The following TMEM230 variants were observed in gnomAD, a reference collection of about 807,000 sequenced individuals.
TMEM230 encodes the protein transmembrane protein 230, also known as UPF0414 transmembrane protein C20orf30.
A neutral mutation model predicts 15.8 loss-of-function variants in TMEM230; 10 were observed. That is an observed-to-expected ratio of 0.63 (90% CI 0.39 to 1.07). The LOEUF is 1.07. Ranked by LOEUF, TMEM230 falls within the 50% of genes least tolerant of loss-of-function variation. The pLI is 0.01. For synonymous variants in TMEM230, 67 were observed against 76.9 expected (o/e 0.87, Z 0.68); for missense variants, 165 against 193.3 (o/e 0.85, Z 0.87).
intron 3 of TMEM230, among the ~76,000 whole-genome samples, chr20:5,087,585 T>C (rs952943494): frequency 2.0e-5 from 3 of 148,318 alleles, no homozygotes; most frequent in Admixed American, 1.3e-4. Flanking sequence ...TCCTCTCCCC[T>C]GGCCTGGGTA....
chr20:5,067,504 T>C (rs2326585), downstream of TMEM230: 96,968 of 143,208 alleles, frequency 0.68, 33,308 homozygotes, highest in East Asian at 0.85. Flanking sequence ...AGTGCAATGG[T>C]GCCATCTTGG....
intron 3 of TMEM230, among the ~76,000 whole-genome samples, chr20:5,090,061 CTG>C (rs2089464332): frequency 1.3e-5 from 2 of 151,832 alleles, no homozygotes; most frequent in Admixed American, 6.6e-5. Context: ...AAGAAAAAAA[CTG>C]AGGAAATCTT....
At chr20:5,090,414 G>GC (rs1437257075) in intron 3 of TMEM230, among the ~76,000 whole-genome samples, 2 of 152,146 alleles carry the variant, frequency 1.3e-5, no homozygotes, top group Admixed American at 6.6e-5. Context: ...CAGAAGTCAC[G>GC]CAGGAAGCCA....
Position 5,103,640 on chromosome 20 carries a change from A to C in TMEM230, c.411+2548T>G, listed in dbSNP as rs375901953. Reference sequence around the variant, plus strand: ...AGTGAGATTCTGTCTCAAAAAAAAAAAAACAAACAAAAAAACCAAAAAACA... The same window carrying C: ...AGTGAGATTCTGTCTCAAAAAAAAACAAACAAACAAAAAAACCAAAAAACA... On this transcript the variant is annotated intron_variant, in intron 4 of 4. Coordinates refer to ENST00000342308, the MANE Select transcript of TMEM230 (RefSeq NM_001009923.2). Among the ~76,000 whole-genome samples the C allele has an allele frequency of 4.9e-3, 750 of 152,086 alleles. 7 individuals carry two copies. Among genetic ancestry groups the C allele is most frequent in the African/African-American group, 0.015 (629 of 41,528 alleles).
chr20:5,110,758 T>C (rs555646888), intron 2 of TMEM230, among the ~76,000 whole-genome samples: 1 of 152,244 alleles, frequency 6.6e-6, no homozygotes, highest in East Asian at 1.9e-4. Context: ...AAGAAAAAAA[T>C]GGAATAACAA....
downstream of TMEM230, among the ~76,000 whole-genome samples, chr20:5,097,940 TCCTA>T (rs1455942690): frequency 6.8e-6 from 1 of 147,438 alleles, no homozygotes; most frequent in Non-Finnish European, 1.5e-5. Context: ...CTCACCTACT[TCCTA>T]CCTAAGAATC....
At chr20:5,105,409 G>A (rs961973357) in intron 4 of TMEM230, among the ~76,000 whole-genome samples, 1 of 151,338 alleles carries the variant, frequency 6.6e-6, no homozygotes, top group Non-Finnish European at 1.5e-5. Context: ...TGGGCAACAT[G>A]GCGAAACCCC....
intron 1 of TMEM230, chr20:5,111,660 A>C: frequency 4.7e-6 from 1 of 212,704 alleles, no homozygotes; most frequent in Non-Finnish European, 8.0e-6. Context: ...CAGTATTTCA[A>C]TAAGGGCATA....
At chr20:5,063,585 G>A (rs146478979), downstream of TMEM230, among the ~76,000 whole-genome samples, 271 of 152,116 alleles carry the variant, frequency 1.8e-3, 3 homozygotes, top group Non-Finnish European at 1.6e-3. Context: ...CACCATGGCC[G>A]GCCTGCTATG....
Position 5,099,890 on chromosome 20 carries a change from C to T in TMEM230, c.*901G>A. 5 of 980,884 alleles carry T rather than the reference C, an allele frequency of 5.1e-6. No individual in the cohort carries two copies. Among genetic ancestry groups the T allele is most frequent in the Non-Finnish European group, 4.8e-6 (4 of 825,812 alleles). The allele number at this position is 980,884 out of a possible 1,614,324, so 60.8% of individuals were successfully genotyped here. ...CATTTTATTTCTAGGATTTGGATTT[C>T]AACATTTTAATTTCTTTGGAATATA... On this transcript the variant is annotated 3_prime_UTR_variant, in exon 5 of 5. Transcript: ENST00000342308.
chr20:5,107,942 T>A (rs1011181583), intron 3 of TMEM230, among the ~76,000 whole-genome samples: 3 of 151,448 alleles, frequency 2.0e-5, no homozygotes, highest in African/African-American at 7.3e-5. Flanking sequence ...CGAAACCCCA[T>A]CTATACTAAA....
At chr20:5,063,654 A>G (rs2088627082), downstream of TMEM230, among the ~76,000 whole-genome samples, 1 of 152,144 alleles carries the variant, frequency 6.6e-6, no homozygotes, top group Non-Finnish European at 1.5e-5. Flanking sequence ...GGGGGATCGG[A>G]GAACAGACCT....
intron 3 of TMEM230, among the ~76,000 whole-genome samples, chr20:5,087,169 C>T (rs978629461): frequency 9.9e-5 from 15 of 152,200 alleles, no homozygotes; most frequent in African/African-American, 2.2e-4. Context: ...CCGCCATGGC[C>T]GGCCAACAAT....
chr20:5,070,117 C>T (rs2122536501), intron 3 of TMEM230, among the ~76,000 whole-genome samples: 1 of 152,216 alleles, frequency 6.6e-6, no homozygotes, highest in Non-Finnish European at 1.5e-5. Context: ...TCTCATCTAG[C>T]TCTCTTGGAA....
At position 5,089,401 on chromosome 20, in the gene TMEM230, G is replaced by A. The variant is rs568015286; in HGVS notation, c.222+16787C>T. Among the ~76,000 whole-genome samples the A allele has an allele frequency of 4.0e-5, 6 of 149,844 alleles. No individual in the cohort carries two copies. In the East Asian group the frequency reaches 1.2e-3, roughly 30 times the overall value. ...AAAAAAAAAAGAAAAGAAAAAAATA[G>A]TAACAGAAGAGTAGAAGGCTGGGTA... On this transcript the variant is annotated intron_variant, in intron 3 of 3. Coordinates refer to the TMEM230 transcript ENST00000612323.
rs201160722 is a variant in TMEM230 at position 5,112,984 on chromosome 20, G to A, written c.45C>T (p.Cys15=). 2 of 1,550,768 alleles carry A rather than the reference G, an allele frequency of 1.3e-6. No homozygotes were observed. The highest frequency in any genetic ancestry group is 1.7e-6 in the Non-Finnish European group (2 of 1,147,432). The change falls in exon 1 of 5, where the codon TGC becomes TGT. Residue 15 remains cysteine (C), a synonymous_variant. Transcript: ENST00000342308. ...ACCGGAGCGCCGCGCCAGGCCGCCC[G>A]CACACCCAGAGCTCGCCCACGGTTG...
intron 3 of TMEM230, among the ~76,000 whole-genome samples, chr20:5,071,639 C>CCA (rs2088832139): frequency 6.8e-6 from 1 of 146,226 alleles, no homozygotes; most frequent in African/African-American, 2.6e-5. Context: ...AAAAAAAAAA[C>CCA]AAAAAGGGTA....
At chr20:5,081,873 CTTTTTTTTTTTTTT>C (rs10547417) in intron 3 of TMEM230, among the ~76,000 whole-genome samples, 1 of 43,836 alleles carries the variant, frequency 2.3e-5, no homozygotes, top group South Asian at 2.6e-3. Context: ...TCTTTTTTTT[CTTTTTTTTTTTTTT>C]TTTTTAGACA....
chr20:5,096,543 T>C (rs1386508395), downstream of TMEM230, among the ~76,000 whole-genome samples: 1 of 152,212 alleles, frequency 6.6e-6, no homozygotes, highest in East Asian at 1.9e-4. Flanking sequence ...GTGCTGTTAC[T>C]GTCCTTCTAC....
Sources: allele counts gnomAD v4.1 joint callset (sites outside exome capture counted in the v4.1 genomes callset), GRCh38; gene constraint gnomAD v4.1.1; transcripts MANE v1.5; gene names NCBI Gene and HGNC (gene_info 2026-07-23, HGNC 2026-07-21).